Variants in FRMD6 observed in about 807,000 individuals in gnomAD.
The protein encoded by FRMD6 is FERM domain-containing protein 6.
FRMD6 carries 37 observed loss-of-function variants against 73.2 expected under a neutral mutation model. The observed-to-expected ratio is 0.51, with a 90% CI of 0.39 to 0.66. The LOEUF (loss-of-function observed/expected upper bound fraction) is 0.66. Ranked by LOEUF, FRMD6 falls within the 30% of genes least tolerant of loss-of-function variation. FRMD6 has a pLI of 0.00. For missense variants in FRMD6, 714 were observed against 780.5 expected, an observed-to-expected ratio of 0.91 and a Z score of 1.02; for synonymous variants, 273 against 282.2, an observed-to-expected ratio of 0.97 and a Z score of 0.33.
chr14:51,683,367 T>A (rs1894936452), intron 1 of FRMD6, among the ~76,000 whole-genome samples: 1 of 151,974 alleles, frequency 6.6e-6, no homozygotes. Flanking sequence ...CTTGAGCCCA[T>A]CTCCTGGGCT....
intron 3 of FRMD6, among the ~76,000 whole-genome samples, chr14:51,699,047 A>C (rs1245657108): frequency 3.3e-5 from 5 of 152,122 alleles, no homozygotes; most frequent in African/African-American, 1.2e-4. Flanking sequence ...AAGGCTTAAG[A>C]TATCTTGGAA....
chr14:51,510,981 C>T (rs1297082868), intron 1 of FRMD6, among the ~76,000 whole-genome samples: 1 of 152,088 alleles, frequency 6.6e-6, no homozygotes, highest in Non-Finnish European at 1.5e-5. Context: ...CTTTCTTTCG[C>T]TCCCCGCCCC....
intron 1 of FRMD6, among the ~76,000 whole-genome samples, chr14:51,566,646 C>G (rs1056034433): frequency 1.3e-5 from 2 of 152,152 alleles, no homozygotes; most frequent in Non-Finnish European, 2.9e-5. Flanking sequence ...CTCGAATATG[C>G]ATTTTGAGTC....
chr14:51,708,407 T>C (rs1566584669), intron 7 of FRMD6, 174 bp downstream of exon 7: 3 of 615,526 alleles, frequency 4.9e-6, no homozygotes, highest in African/African-American at 1.9e-5. Flanking sequence ...TTGGAGGCCA[T>C]GGTGCTTTTA....
At chr14:51,676,553 C>G (rs761167290) in intron 1 of FRMD6, among the ~76,000 whole-genome samples, 52 of 152,154 alleles carry the variant, frequency 3.4e-4, no homozygotes, top group Non-Finnish European at 5.7e-4. Context: ...GTTATAGCAG[C>G]ATTTCATACT....
intron 2 of FRMD6, among the ~76,000 whole-genome samples, chr14:51,638,456 C>A (rs774561527): frequency 5.9e-5 from 9 of 152,124 alleles, no homozygotes; most frequent in Non-Finnish European, 1.0e-4. Flanking sequence ...CCTGGAGACA[C>A]TTACTGCCGG....
At chr14:51,651,014 G>C (rs1315894396), upstream of FRMD6, 1 of 152,978 alleles carries the variant, frequency 6.5e-6, no homozygotes, top group Admixed American at 6.5e-5. Context: ...GGAGAGGTGT[G>C]GCTCGCCCCC....
intron 1 of FRMD6, among the ~76,000 whole-genome samples, chr14:51,537,929 C>A (rs558998272): frequency 2.6e-5 from 4 of 152,230 alleles, no homozygotes; most frequent in East Asian, 1.9e-4. Context: ...ATGTCTTTTG[C>A]AAATATTTTC....
the FRMD6 span, among the ~76,000 whole-genome samples, chr14:51,461,564 A>C: frequency 6.6e-6 from 1 of 152,226 alleles, no homozygotes; most frequent in Non-Finnish European, 1.5e-5. Context: ...GACTATACTG[A>C]ATAAAAAATA....
the FRMD6 span, among the ~76,000 whole-genome samples, chr14:51,474,933 T>G: frequency 6.6e-6 from 1 of 152,346 alleles, no homozygotes; most frequent in East Asian, 1.9e-4. Context: ...TCTGCAGAGA[T>G]ATTTTTCTAA....
the FRMD6 span, among the ~76,000 whole-genome samples, chr14:51,472,710 C>T: frequency 6.6e-6 from 1 of 152,154 alleles, no homozygotes; most frequent in African/African-American, 2.4e-5. Context: ...CTGAACTTAG[C>T]CTCACAGCTG....
chr14:51,515,913 G>A (rs1330760147), intron 1 of FRMD6, among the ~76,000 whole-genome samples: 2 of 152,186 alleles, frequency 1.3e-5, no homozygotes, highest in African/African-American at 4.8e-5. Flanking sequence ...TTTTAGAAAA[G>A]CAGGGCTTTA....
At chr14:51,689,960 G>A in intron 2 of FRMD6, 25 bp downstream of exon 2, 3 of 1,429,900 alleles carry the variant, frequency 2.1e-6, no homozygotes, top group East Asian at 2.3e-5. Flanking sequence ...TTTTAGAAAT[G>A]TCTAAATATT....
intron 1 of FRMD6, among the ~76,000 whole-genome samples, chr14:51,551,406 A>G (rs1886826266): frequency 1.3e-5 from 2 of 152,242 alleles, no homozygotes; most frequent in South Asian, 2.1e-4. Flanking sequence ...ATACACAGAG[A>G]ACAATTATTT....
rs1427784388 is a variant in FRMD6 at position 51,719,936 on chromosome 14, A to G, written c.1025-119A>G. ...TCAAATTCCTATCTAAATTATTACTACTTTCCAATCACTAGATTCTGAATT... is the reference window on the plus strand; with the variant it reads ...TCAAATTCCTATCTAAATTATTACTGCTTTCCAATCACTAGATTCTGAATT... On this transcript the variant is annotated intron_variant, in intron 10 of 13. Transcript: ENST00000344768. 6 of 721,678 alleles carry G rather than the reference A, an allele frequency of 8.3e-6. No individual in the cohort carries two copies. In the Admixed American group the frequency reaches 8.4e-5, roughly 10 times the overall value. The allele number at this position is 721,678 out of a possible 1,614,324, so 44.7% of individuals were successfully genotyped here. A position where few individuals can be genotyped will look rare whatever the true frequency, so the allele number is the denominator to read the frequency against.
chr14:51,678,517 G>A (rs1284828656), intron 1 of FRMD6, among the ~76,000 whole-genome samples: 1 of 152,102 alleles, frequency 6.6e-6, no homozygotes, highest in Non-Finnish European at 1.5e-5. Context: ...GACCAACGCT[G>A]ACTCCCATTG....
At chr14:51,447,027 C>G in the FRMD6 span, among the ~76,000 whole-genome samples, 2 of 152,138 alleles carry the variant, frequency 1.3e-5, no homozygotes, top group South Asian at 4.1e-4. Context: ...CTCAAAGATT[C>G]TTGGAGACTT....
At chr14:51,511,029 G>A (rs1436115190) in intron 1 of FRMD6, among the ~76,000 whole-genome samples, 1 of 151,938 alleles carries the variant, frequency 6.6e-6, no homozygotes, top group Non-Finnish European at 1.5e-5. Flanking sequence ...AGCTTGTAGG[G>A]CTGCTTGGTA....
At chr14:51,476,330 C>T in the FRMD6 span, among the ~76,000 whole-genome samples, 1 of 152,104 alleles carries the variant, frequency 6.6e-6, no homozygotes, top group African/African-American at 2.4e-5. Flanking sequence ...AAAACAGGAC[C>T]GTAGATTGCC....
Sources: allele counts gnomAD v4.1 joint callset (sites outside exome capture counted in the v4.1 genomes callset), GRCh38; gene constraint gnomAD v4.1.1; transcripts MANE v1.5; gene names NCBI Gene and HGNC (gene_info 2026-07-23, HGNC 2026-07-21).